Variants in GAP43 observed in about 807,000 individuals in gnomAD.
GAP43 encodes neuromodulin.
A neutral mutation model predicts 18.6 loss-of-function variants in GAP43; 6 were observed. The ratio of observed to expected loss-of-function variants is 0.32; its 90% CI spans 0.18 to 0.64. The LOEUF (loss-of-function observed/expected upper bound fraction) is 0.64. Among genes scored for constraint, GAP43 ranks in the 30% least tolerant of loss-of-function variants. The pLI, the probability that GAP43 is intolerant of heterozygous loss-of-function variation, is 0.78. For missense variants in GAP43, 292 were observed against 295.5 expected (o/e 0.99, Z 0.09); for synonymous variants, 115 against 111.4 (o/e 1.03, Z -0.20).
In GAP43 at chr3:115,720,902, C is replaced by T. The variant is rs979019714; in HGVS notation, c.*20C>T. 1.3e-6 allele frequency: 2 copies of T among 1,547,662 alleles called. No homozygotes were observed. The highest frequency in any genetic ancestry group is 1.8e-6 in the Non-Finnish European group (2 of 1,120,990). On this transcript the variant is annotated 3_prime_UTR_variant, in exon 3 of 3. Coordinates refer to ENST00000305124, the MANE Select transcript of GAP43 (RefSeq NM_002045.4). The stretch of plus-strand genomic sequence containing the variant: ...GCCTGAACTCTAAGAAATGGCTTTC[C>T]ACATCCCCACCCTCCCCTCTCCTGA...
Position 115,674,969 on chromosome 3 carries a change from G to C in GAP43, c.31-1044G>C, listed in dbSNP as rs571264010. Reference sequence around the variant, plus strand: ...GCAAAATATTTTTTTAAACCATTAAGTTTTATACAAAGTCCTTCTCAAAAA... The same window carrying C: ...GCAAAATATTTTTTTAAACCATTAACTTTTATACAAAGTCCTTCTCAAAAA... On this transcript the variant is annotated intron_variant, in intron 1 of 2. Transcript: ENST00000305124. 8.5e-5 allele frequency among the ~76,000 whole-genome samples: 13 copies of C among 152,262 alleles called. No individual in the cohort carries two copies. The South Asian group carries it at 2.1e-3, about 24-fold the overall frequency.
chr3:115,670,893 A>G (rs1708808559), intron 1 of GAP43, among the ~76,000 whole-genome samples: 1 of 152,170 alleles, frequency 6.6e-6, no homozygotes, highest in Non-Finnish European at 1.5e-5. Context: ...AATGAACTAT[A>G]TTTTGGTTTA....
At chr3:115,713,594 T>G (rs180987284) in intron 2 of GAP43, among the ~76,000 whole-genome samples, 3 of 152,356 alleles carry the variant, frequency 2.0e-5, no homozygotes, top group Admixed American at 2.0e-4. Flanking sequence ...ACCAACAGAA[T>G]GCATCGACAT....
intron 2 of GAP43, among the ~76,000 whole-genome samples, chr3:115,712,203 A>AATATT (rs1661281506): frequency 1.3e-5 from 2 of 152,300 alleles, no homozygotes; most frequent in South Asian, 4.1e-4. Flanking sequence ...ATAGACTAGA[A>AATATT]ATATTATATT....
At chr3:115,665,574 T>A (rs893713857) in intron 1 of GAP43, among the ~76,000 whole-genome samples, 1 of 152,160 alleles carries the variant, frequency 6.6e-6, no homozygotes, top group Non-Finnish European at 1.5e-5. Context: ...TAACCTATAA[T>A]GCATAAATTT....
intron 1 of GAP43, among the ~76,000 whole-genome samples, chr3:115,632,235 A>G (rs1708269178): frequency 1.3e-5 from 2 of 151,806 alleles, no homozygotes; most frequent in Admixed American, 1.3e-4. Context: ...CATCCATCAC[A>G]TGAGGGCCCA....
intron 1 of GAP43, among the ~76,000 whole-genome samples, chr3:115,646,755 G>A (rs1186016729): frequency 6.6e-6 from 1 of 151,942 alleles, no homozygotes; most frequent in Non-Finnish European, 1.5e-5. Context: ...CCAACCACAA[G>A]AGACCTCTCT....
intron 2 of GAP43, among the ~76,000 whole-genome samples, chr3:115,697,299 A>G (rs1187901009): frequency 6.6e-6 from 1 of 152,222 alleles, no homozygotes; most frequent in Non-Finnish European, 1.5e-5. Context: ...TAAATGCTCA[A>G]TAAATATCAA....
At chr3:115,705,391 A>G (rs1424419203) in intron 2 of GAP43, among the ~76,000 whole-genome samples, 2 of 152,208 alleles carry the variant, frequency 1.3e-5, no homozygotes, top group African/African-American at 4.8e-5. Context: ...TTTGCTTTTA[A>G]AGGTAAATAT....
intron 1 of GAP43, among the ~76,000 whole-genome samples, chr3:115,635,647 A>G (rs1421373001): frequency 6.6e-6 from 1 of 152,060 alleles, no homozygotes; most frequent in African/African-American, 2.4e-5. Context: ...CATCATCTGG[A>G]AAACACAATA....
intron 2 of GAP43, among the ~76,000 whole-genome samples, chr3:115,683,145 G>GCACACACA (rs1391349178): frequency 4.8e-4 from 51 of 105,532 alleles, no homozygotes; most frequent in South Asian, 1.0e-3. Flanking sequence ...GCGCGCGCGC[G>GCACACACA]CGCACACACA....
chr3:115,631,627 T>A (rs1471400888), intron 1 of GAP43, among the ~76,000 whole-genome samples: 2 of 152,130 alleles, frequency 1.3e-5, no homozygotes, highest in Non-Finnish European at 2.9e-5. Context: ...AAATTTTTTG[T>A]TTGTTTGTTT....
At chr3:115,684,341 T>A (rs1216007612) in intron 2 of GAP43, among the ~76,000 whole-genome samples, 2 of 152,168 alleles carry the variant, frequency 1.3e-5, no homozygotes, top group Admixed American at 6.5e-5. Context: ...TGTGTGTCTC[T>A]CAGATAAAGT....
intron 1 of GAP43, among the ~76,000 whole-genome samples, chr3:115,638,757 A>G (rs1179738526): frequency 2.0e-5 from 3 of 151,502 alleles, no homozygotes; most frequent in Admixed American, 2.0e-4. Flanking sequence ...TACATGACAC[A>G]TTTCCTGTTT....
intron 2 of GAP43, among the ~76,000 whole-genome samples, chr3:115,700,675 A>T (rs192698324): frequency 6.6e-6 from 1 of 152,020 alleles, no homozygotes; most frequent in Non-Finnish European, 1.5e-5. Flanking sequence ...ATTTTCTCCC[A>T]CATCTAAATA....
At chr3:115,650,950 C>A (rs1708513092) in intron 1 of GAP43, among the ~76,000 whole-genome samples, 1 of 151,800 alleles carries the variant, frequency 6.6e-6, no homozygotes, top group Non-Finnish European at 1.5e-5. Context: ...AATAGCGAGA[C>A]CTTGTCTCTA....
chr3:115,652,356 CTTTTTTTTTTTTTT>C (rs71141831), intron 1 of GAP43, among the ~76,000 whole-genome samples: 23 of 43,812 alleles, frequency 5.2e-4, no homozygotes, highest in East Asian at 1.8e-3. Context: ...ATCCAGCATT[CTTTTTTTTTTTTTT>C]TTTTTTTTTT....
chr3:115,638,137 C>T (rs777452762), intron 1 of GAP43, among the ~76,000 whole-genome samples: 5 of 152,042 alleles, frequency 3.3e-5, no homozygotes, highest in Non-Finnish European at 7.4e-5. Context: ...CTACCCTCAA[C>T]CCTTTACAAT....
At chr3:115,631,978 G>A (rs1386618310) in intron 1 of GAP43, among the ~76,000 whole-genome samples, 1 of 152,090 alleles carries the variant, frequency 6.6e-6, no homozygotes, top group African/African-American at 2.4e-5. Flanking sequence ...TATTTCCTTT[G>A]AAAACTTCAG....
Sources: allele counts gnomAD v4.1 joint callset (sites outside exome capture counted in the v4.1 genomes callset), GRCh38; gene constraint gnomAD v4.1.1; transcripts MANE v1.5; gene names NCBI Gene and HGNC (gene_info 2026-07-23, HGNC 2026-07-21).